ATRX: variants seen among roughly 807,000 people sequenced by gnomAD.
ATRX encodes the protein ATRX chromatin remodeler.
Under a neutral mutation model 172.6 loss-of-function variants are expected in ATRX, and 12 were observed. That is an observed-to-expected ratio of 0.07 (90% CI 0.04 to 0.11). ATRX has a LOEUF of 0.11. Among genes scored for constraint, ATRX ranks in the 10% least tolerant of loss-of-function variants. The probability of loss-of-function intolerance (pLI) is 1.00; values close to 1 mark genes in which losing one functional copy is unlikely to be tolerated. For synonymous variants in ATRX, 674 were observed against 594.7 expected (o/e 1.13, Z -1.94); for missense variants, 1,368 against 1,767.4 (o/e 0.77, Z 4.05).
intron 15 of ATRX, among the ~76,000 whole-genome samples, chrX:77,649,712 G>A (rs1246071292): frequency 9.0e-6 from 1 of 111,452 alleles, no homozygotes; most frequent in Non-Finnish European, 1.9e-5. Flanking sequence ...AAAAAGAGGA[G>A]TTTCCCTGCA....
At chrX:77,776,097 G>C (rs142022357) in intron 1 of ATRX, among the ~76,000 whole-genome samples, 2 of 112,352 alleles carry the variant, frequency 1.8e-5, no homozygotes, top group Non-Finnish European at 3.8e-5. Flanking sequence ...GCTGTTTTAA[G>C]TGAAATGTCT....
At chrX:77,534,405 G>A (rs1339769969) in intron 30 of ATRX, among the ~76,000 whole-genome samples, 20 of 112,056 alleles carry the variant, frequency 1.8e-4, no homozygotes, top group African/African-American at 6.5e-4. Flanking sequence ...GTTTTGCAAA[G>A]TCCAGAGCAA....
At chrX:77,578,468 C>T (rs1557071868) in intron 27 of ATRX, among the ~76,000 whole-genome samples, 1 of 112,294 alleles carries the variant, frequency 8.9e-6, no homozygotes, top group African/African-American at 3.2e-5. Context: ...TGGATACCAG[C>T]TCAGTCACAG....
Position 77,633,283 on chromosome X carries a change from A to G in ATRX, c.5058T>C (p.Tyr1686=). The G allele has an allele frequency of 8.3e-7, 1 of 1,209,538 alleles. No homozygotes were observed. Among genetic ancestry groups the G allele is most frequent in the Non-Finnish European group, 1.1e-6 (1 of 893,571 alleles). The change falls in exon 19 of 35, where the codon TAT becomes TAC. Residue 1686 remains tyrosine (Y), a synonymous_variant. Transcript: ENST00000373344. ...CATTCCTTCCTTGAGCAAGATTTCT[A>G]TACATCTCATAGCCTATGATCATAA... ...GGVMIIGYEM[Y]RNLAQGRNVK...
At position 77,599,303 on chromosome X, in the gene ATRX, A is replaced by G. The variant is rs142448511; in HGVS notation, c.5956+108T>C. On this transcript the variant is annotated intron_variant, in intron 25 of 34. Coordinates refer to ENST00000373344, the MANE Select transcript of ATRX (RefSeq NM_000489.6). ...CTTGATTAGACTCATCAATTGAGGA[A>G]AGATTCCTTTGAGTCAATTAGTCAG... 6 of 889,734 alleles carry G rather than the reference A, an allele frequency of 6.7e-6. No individual in the cohort carries two copies. In the East Asian group the frequency reaches 1.6e-4, roughly 23 times the overall value. 73.3% of individuals were successfully genotyped at this position (889,734 alleles called of 1,213,427 possible). A position where few individuals can be genotyped will look rare whatever the true frequency, so the allele number is the denominator to read the frequency against.
At chrX:77,603,276 T>C (rs1557088198) in intron 22 of ATRX, among the ~76,000 whole-genome samples, 1 of 111,838 alleles carries the variant, frequency 8.9e-6, no homozygotes, top group Non-Finnish European at 1.9e-5. Flanking sequence ...TTGTTTTTTC[T>C]AATTCTATAA....
chrX:77,713,909 C>T (rs1316735242), intron 2 of ATRX, among the ~76,000 whole-genome samples: 1 of 111,659 alleles, frequency 9.0e-6, no homozygotes, highest in African/African-American at 3.3e-5. Flanking sequence ...TGTAATATGG[C>T]ACAGTTGATC....
chrX:77,539,635 AG>A (rs1446062798), intron 30 of ATRX, among the ~76,000 whole-genome samples: 2 of 111,656 alleles, frequency 1.8e-5, no homozygotes, highest in Non-Finnish European at 3.8e-5. Flanking sequence ...AAATCCTACA[AG>A]CCAGAAGAGA....
intron 1 of ATRX, among the ~76,000 whole-genome samples, chrX:77,781,791 C>T (rs782504832): frequency 1.3e-3 from 148 of 111,557 alleles, no homozygotes; most frequent in African/African-American, 4.7e-3. Context: ...TAAATAGTTT[C>T]TGATATCCAA....
intron 30 of ATRX, among the ~76,000 whole-genome samples, chrX:77,551,147 C>T (rs1193336142): frequency 3.6e-5 from 4 of 111,654 alleles, no homozygotes; most frequent in East Asian, 2.8e-4. Context: ...AAAAAGACCC[C>T]GCATTGCCAA....
chrX:77,597,441 CA>C (rs2066505832), intron 25 of ATRX, among the ~76,000 whole-genome samples: 1 of 107,668 alleles, frequency 9.3e-6, no homozygotes, highest in Non-Finnish European at 1.9e-5. Flanking sequence ...ACAGCAAAAA[CA>C]AAAAACAAAC....
In ATRX at chrX:77,620,507, T is replaced by C. The variant is rs782298274; in HGVS notation, c.5160A>G (p.Glu1720=). The change falls in exon 20 of 35, where the codon GAA becomes GAG. Residue 1720 remains glutamate (E), a synonymous_variant. Coordinates refer to ENST00000373344, the MANE Select transcript of ATRX (RefSeq NM_000489.6). ...DPGPDFVVCD[E]GHILKNEASA... ...ATGCTTCATTTTTTAGAATATGGCC[T>C]TCATCACAAACAACAAAATCAGGGC... 13 of 1,204,021 alleles carry C rather than the reference T, an allele frequency of 1.1e-5. No homozygotes were observed. Among genetic ancestry groups the C allele is most frequent in the African/African-American group, 1.8e-5 (1 of 56,993 alleles).
chrX:77,719,066 T>A (rs2073604477), intron 1 of ATRX, among the ~76,000 whole-genome samples: 1 of 111,342 alleles, frequency 9.0e-6, no homozygotes, highest in Non-Finnish European at 1.9e-5. Context: ...CCCAAAGCAC[T>A]GGGATGACAA....
chrX:77,570,025 A>G (rs1260915214), intron 28 of ATRX, among the ~76,000 whole-genome samples: 2 of 111,953 alleles, frequency 1.8e-5, no homozygotes, highest in Non-Finnish European at 3.8e-5. Flanking sequence ...GTACACAGCT[A>G]CAGTAATCAA....
chrX:77,645,928 A>G (rs1300438895), intron 15 of ATRX, among the ~76,000 whole-genome samples: 1 of 111,751 alleles, frequency 8.9e-6, no homozygotes, highest in Non-Finnish European at 1.9e-5. Flanking sequence ...GTTATATGTA[A>G]TCTCCATGAT....
intron 7 of ATRX, among the ~76,000 whole-genome samples, chrX:77,686,702 G>C (rs1232454681): frequency 1.9e-5 from 2 of 107,912 alleles, no homozygotes; most frequent in Non-Finnish European, 1.9e-5. Flanking sequence ...GCAACAGAGT[G>C]ACACTCCGCC....
intron 1 of ATRX, among the ~76,000 whole-genome samples, chrX:77,735,105 A>G (rs1351104589): frequency 9.0e-6 from 1 of 111,118 alleles, no homozygotes; most frequent in African/African-American, 3.3e-5. Flanking sequence ...AAAAAATAAA[A>G]TAAATAAAAA....
Position 77,735,379 on chromosome X carries a change from G to A in ATRX, c.21-18136C>T, listed in dbSNP as rs377016102. ...TGGGAGGCCAAGGCAGGCGGATCAC[G>A]AGGTCAGGAGATCGAGACCATTCTG... On this transcript the variant is annotated intron_variant, in intron 1 of 34. Transcript: ENST00000373344. Among the ~76,000 whole-genome samples the A allele has an allele frequency of 3.7e-4, 41 of 111,534 alleles. No homozygotes were observed. In the East Asian group the frequency reaches 5.7e-3, roughly 15 times the overall value.
intron 22 of ATRX, among the ~76,000 whole-genome samples, chrX:77,610,852 C>T (rs1440621314): frequency 9.3e-6 from 1 of 108,066 alleles, no homozygotes; most frequent in East Asian, 2.9e-4. Flanking sequence ...GGTTAATTTT[C>T]AATTTTTCAT....
Sources: allele counts gnomAD v4.1 joint callset (sites outside exome capture counted in the v4.1 genomes callset), GRCh38; gene constraint gnomAD v4.1.1; transcripts MANE v1.5; gene names NCBI Gene and HGNC (gene_info 2026-07-23, HGNC 2026-07-21).